Variants in PCDH15 observed in about 807,000 individuals in gnomAD.
The protein encoded by PCDH15 is protocadherin-15.
In PCDH15, 129 loss-of-function variants were observed where a neutral mutation model predicts 178.5. The observed-to-expected ratio is 0.72, with a 90% CI of 0.63 to 0.84. The LOEUF is 0.84. Ranked by LOEUF, PCDH15 falls within the 40% of genes least tolerant of loss-of-function variation. The pLI, the probability that PCDH15 is intolerant of heterozygous loss-of-function variation, is 0.00. For missense variants in PCDH15, 2,230 were observed against 2,099.9 expected, an observed-to-expected ratio of 1.06 and a Z score of -1.21; for synonymous variants, 800 against 732.0, an observed-to-expected ratio of 1.09 and a Z score of -1.50.
At chr10:55,533,304 A>G (rs1841496746) in intron 2 of PCDH15, among the ~76,000 whole-genome samples, 1 of 152,078 alleles carries the variant, frequency 6.6e-6, no homozygotes, top group Non-Finnish European at 1.5e-5. Context: ...ACCTTTACTG[A>G]TGACATTATT....
At chr10:53,973,671 A>C (rs2089951870) in intron 21 of PCDH15, among the ~76,000 whole-genome samples, 1 of 152,172 alleles carries the variant, frequency 6.6e-6, no homozygotes, top group Admixed American at 6.5e-5. Context: ...AAAAATCTTG[A>C]GGTCATTAGT....
At chr10:55,509,893 A>C (rs1838619149) in intron 2 of PCDH15, among the ~76,000 whole-genome samples, 1 of 151,966 alleles carries the variant, frequency 6.6e-6, no homozygotes, top group South Asian at 2.1e-4. Context: ...GGAACCTTGG[A>C]GACAATCTAA....
chr10:54,709,850 C>T (rs2095410429), intron 1 of PCDH15, among the ~76,000 whole-genome samples: 1 of 143,088 alleles, frequency 7.0e-6, no homozygotes, highest in Non-Finnish European at 1.6e-5. Flanking sequence ...TTTACTTTAA[C>T]CAGATTTTTA....
At chr10:54,052,370 A>G (rs1048119733) in intron 18 of PCDH15, among the ~76,000 whole-genome samples, 3 of 152,202 alleles carry the variant, frequency 2.0e-5, no homozygotes, top group African/African-American at 7.2e-5. Flanking sequence ...CGGCTATGGG[A>G]GTGTCACTCT....
rs138372383 is a variant in PCDH15, at chr10:54,941,408, T to C, written c.-79-43908A>G. The stretch of plus-strand genomic sequence containing the variant: ...ACATTTCGTTTCAACATCTGTACTT[T>C]TCAATTCCAAGATTTATTTTTGGTT... On this transcript the variant is annotated intron_variant, in intron 2 of 5. Coordinates refer to the PCDH15 transcript ENST00000458638. 3.3e-3 allele frequency among the ~76,000 whole-genome samples: 496 copies of C among 152,238 alleles called. 3 individuals are homozygous for C. The highest frequency in any genetic ancestry group is 0.012 in the African/African-American group (481 of 41,560).
At chr10:55,452,362 T>A (rs1839454265) in intron 2 of PCDH15, among the ~76,000 whole-genome samples, 1 of 152,042 alleles carries the variant, frequency 6.6e-6, no homozygotes, top group African/African-American at 2.4e-5. Context: ...TCAGAGATAA[T>A]AGGACCCTAG....
At chr10:55,611,815 A>T (rs1332409908) in intron 2 of PCDH15, among the ~76,000 whole-genome samples, 1 of 152,100 alleles carries the variant, frequency 6.6e-6, no homozygotes, top group Non-Finnish European at 1.5e-5. Context: ...TAGTGTATAT[A>T]CACAATGGAA....
intron 3 of PCDH15, among the ~76,000 whole-genome samples, chr10:54,490,534 TA>T (rs1468209701): frequency 6.6e-6 from 1 of 151,830 alleles, no homozygotes; most frequent in Admixed American, 6.6e-5. Flanking sequence ...AAAAAATTTT[TA>T]AAAAAGTTAT....
chr10:55,420,549 A>G (rs993196896), intron 2 of PCDH15, among the ~76,000 whole-genome samples: 21 of 151,826 alleles, frequency 1.4e-4, no homozygotes, highest in Admixed American at 1.3e-3. Flanking sequence ...AGAAATCCCA[A>G]GGAATCACTT....
intron 25 of PCDH15, 36 bp downstream of exon 25, chr10:53,938,779 A>T: frequency 6.2e-7 from 1 of 1,604,832 alleles, no homozygotes. Context: ...GAGACACCAT[A>T]CAATTCTGGT....
intron 2 of PCDH15, chr10:55,468,565 T>A (rs1330030942): frequency 1.3e-5 from 2 of 152,232 alleles, no homozygotes; most frequent in East Asian, 1.9e-4. Flanking sequence ...TACATTTTTT[T>A]ATCTACCATA....
At chr10:54,399,970 T>C (rs1951734518) in intron 3 of PCDH15, among the ~76,000 whole-genome samples, 1 of 151,894 alleles carries the variant, frequency 6.6e-6, no homozygotes, top group Non-Finnish European at 1.5e-5. Flanking sequence ...TTTTCCAGGG[T>C]CAAACCTGGA....
At chr10:55,295,578 C>G (rs1254983011) in intron 1 of PCDH15, among the ~76,000 whole-genome samples, 1 of 152,142 alleles carries the variant, frequency 6.6e-6, no homozygotes, top group Non-Finnish European at 1.5e-5. Flanking sequence ...AATGATTTAC[C>G]TAAACATATT....
chr10:54,656,078 T>C (rs559853286), intron 2 of PCDH15: 3 of 152,180 alleles, frequency 2.0e-5, no homozygotes, highest in African/African-American at 7.2e-5. Context: ...CTATTAAAAC[T>C]TGAATTTAAC....
chr10:54,748,739 A>G (rs942492529), intron 1 of PCDH15, among the ~76,000 whole-genome samples: 1 of 152,214 alleles, frequency 6.6e-6, no homozygotes, highest in Non-Finnish European at 1.5e-5. Context: ...AATCTCTAAT[A>G]TAAACAGGCT....
At chr10:53,834,166 A>T (rs1266494412) in intron 29 of PCDH15, among the ~76,000 whole-genome samples, 1 of 152,144 alleles carries the variant, frequency 6.6e-6, no homozygotes, top group Non-Finnish European at 1.5e-5. Context: ...AGGGGAAGGC[A>T]CTTTAGATTA....
At chr10:54,479,304 T>A (rs1451799456) in intron 3 of PCDH15, among the ~76,000 whole-genome samples, 1 of 152,014 alleles carries the variant, frequency 6.6e-6, no homozygotes, top group Non-Finnish European at 1.5e-5. Context: ...TTATTAGTCC[T>A]TTAGTGATGC....
chr10:54,133,059 A>G (rs372972022), intron 14 of PCDH15, 52 bp from the exon 15 acceptor site: 67 of 1,611,020 alleles, frequency 4.2e-5, no homozygotes, highest in Admixed American at 1.7e-4. Flanking sequence ...ATCACATTTA[A>G]TGTTAGACTG....
At chr10:55,247,357 A>G (rs1841702908) in intron 1 of PCDH15, among the ~76,000 whole-genome samples, 1 of 152,212 alleles carries the variant, frequency 6.6e-6, no homozygotes, top group Admixed American at 6.5e-5. Context: ...TCACAGAAGT[A>G]AATGGCCTAG....
Sources: gnomAD v4.1 joint callset for allele counts (sites outside exome capture counted in the v4.1 genomes callset) on GRCh38, gnomAD v4.1.1 for gene constraint, MANE v1.5 for transcripts, NCBI Gene and HGNC (gene_info 2026-07-23, HGNC 2026-07-21) for gene names.